Variants in CD177 observed in about 807,000 individuals in gnomAD.
CD177 encodes the protein CD177 antigen.
In CD177, 41 loss-of-function variants were observed where a neutral mutation model predicts 38.1. The observed-to-expected ratio is 1.07, with a 90% CI of 0.84 to 1.39. The LOEUF (loss-of-function observed/expected upper bound fraction) is 1.39. CD177 is among the 40% of genes most tolerant of loss of function. The pLI, the probability that CD177 is intolerant of heterozygous loss-of-function variation, is 0.00. For missense variants in CD177, 619 were observed against 523.8 expected (o/e 1.18, Z -1.77); for synonymous variants, 236 against 216.7 (o/e 1.09, Z -0.78).
Position 43,354,326 on chromosome 19 carries a change from C to T in CD177, c.313C>T (p.Arg105Cys), listed in dbSNP as rs570518348. The change falls in exon 3 of 9, where the codon CGC (arginine) becomes TGC (cysteine). Residue 105 changes from arginine (R) to cysteine (C), a missense_variant. By Grantham distance (180) the Arg-to-Cys change is radical. Coordinates refer to ENST00000618265, the MANE Select transcript of CD177 (RefSeq NM_020406.4). Reference protein sequence around the residue: ...LSLISYTFVCRQEDFCNNLVN... With the variant: ...LSLISYTFVCCQEDFCNNLVN... Reference sequence around the variant, plus strand: ...CCTGATCTCCTACACCTTCGTGTGCCGCCAGGAGGACTTCTGCAACAACCT... The same window carrying T: ...CCTGATCTCCTACACCTTCGTGTGCTGCCAGGAGGACTTCTGCAACAACCT... 2.7e-4 allele frequency: 443 copies of T among 1,613,944 alleles called. 3 individuals are homozygous for T. The South Asian group carries it at 4.7e-3, about 17-fold the overall frequency.
chr19:43,364,858 GGGTAC>G (rs1970015764), downstream of CD177, among the ~76,000 whole-genome samples: 1 of 17,820 alleles, frequency 5.6e-5, no homozygotes, highest in Non-Finnish European at 1.2e-4. Flanking sequence ...GTGGGTGGTG[GGGTAC>G]GGTCTCCCTC....
At chr19:43,353,798 C>T (rs367955567) in intron 1 of CD177, 32 bp downstream of exon 1, 1 of 1,613,894 alleles carries the variant, frequency 6.2e-7, no homozygotes, top group Non-Finnish European at 8.5e-7. Flanking sequence ...GAGGAGATTC[C>T]CTGGAGGCCG....
chr19:43,361,370 CA>C (rs1568445129), intron 7 of CD177, 42 bp downstream of exon 7: 1 of 1,593,044 alleles, frequency 6.3e-7, no homozygotes. Context: ...CCCAGACACA[CA>C]GAGACTCTGG....
In CD177 at chr19:43,360,451, G is replaced by A. The variant is rs1479530638; in HGVS notation, c.760+46G>A. 14 of 1,536,052 alleles carry A rather than the reference G, an allele frequency of 9.1e-6. No homozygotes were observed. The South Asian group carries it at 1.7e-4, about 19-fold the overall frequency. On this transcript the variant is annotated intron_variant, in intron 6 of 8. Coordinates refer to ENST00000618265, the MANE Select transcript of CD177 (RefSeq NM_020406.4). Reference sequence around the variant, plus strand: ...GACGAACACCTGTCCCAAGTCCCTGGCAGCTCCCTCCACCCCACTGGATTC... The same window carrying A: ...GACGAACACCTGTCCCAAGTCCCTGACAGCTCCCTCCACCCCACTGGATTC...
intron 8 of CD177, 134 bp from the exon 9 acceptor site, chr19:43,361,954 T>G: frequency 1.5e-6 from 1 of 680,780 alleles, no homozygotes; most frequent in South Asian, 1.9e-5. Flanking sequence ...CCTGGACCCC[T>G]GGGTCTGAGG....
chr19:43,365,584 CA>C, downstream of CD177, among the ~76,000 whole-genome samples: 1 of 137,994 alleles, frequency 7.2e-6, no homozygotes, highest in East Asian at 2.1e-4. Flanking sequence ...TGGGTTCATG[CA>C]ATGGACCCAA....
At chr19:43,365,901 G>A (rs1376658684), downstream of CD177, among the ~76,000 whole-genome samples, 1 of 152,156 alleles carries the variant, frequency 6.6e-6, no homozygotes, top group Non-Finnish European at 1.5e-5. Context: ...GCTGTCCCGT[G>A]GATGCTGGAG....
rs188387562 is a variant in CD177 at position 43,362,260 on chromosome 19, G to C, written c.1254G>C (p.Trp418Cys). ...CTGAGGGCCTGGAGTCTCTCACTTGGGGGGTGGGGCTGGCACTGGCCCCAG... is the reference window on the plus strand; with the variant it reads ...CTGAGGGCCTGGAGTCTCTCACTTGCGGGGTGGGGCTGGCACTGGCCCCAG... The part of the protein sequence containing the change: ...GGAEGLESLT[W>C]GVGLALAPAL... The change falls in exon 9 of 9, where the codon TGG becomes TGC. Residue 418 changes from tryptophan (W) to cysteine (C), a missense_variant. Transcript: ENST00000618265. 5.5e-5 allele frequency: 88 copies of C among 1,609,082 alleles called. No homozygotes were observed. The highest frequency in any genetic ancestry group is 7.4e-5 in the Non-Finnish European group (87 of 1,175,828).
At chr19:43,354,644 A>G (rs1969897618) in intron 3 of CD177, 2 of 593,020 alleles carry the variant, frequency 3.4e-6, no homozygotes, top group Non-Finnish European at 6.0e-6. Context: ...AAGAGCAAAC[A>G]GGACGGATTT....
At chr19:43,361,640 G>A in intron 8 of CD177, 61 bp downstream of exon 8, 1 of 1,513,014 alleles carries the variant, frequency 6.6e-7, no homozygotes, top group Non-Finnish European at 9.0e-7. Flanking sequence ...TCCTGGGTCT[G>A]AGGGAGGAGG....
rs183730346 is a variant in CD177 at position 43,363,040 on chromosome 19, C to A, written c.*720C>A. 1 of 152,304 alleles carries A rather than the reference C, an allele frequency of 6.6e-6. No homozygotes were observed. The highest frequency in any genetic ancestry group is 6.5e-5 in the Admixed American group (1 of 15,294). The allele number at this position is 152,304 out of a possible 1,614,324, so 9.4% of individuals were successfully genotyped here. On this transcript the variant is annotated 3_prime_UTR_variant, in exon 9 of 9. Coordinates refer to ENST00000618265, the MANE Select transcript of CD177 (RefSeq NM_020406.4). ...GACGCTAGAGTCGACTGCTCCTAGG[C>A]TACAAGCCTGCAGTGCATGTTATGG...
At position 43,355,670 on chromosome 19, in the gene CD177, C is replaced by A. The variant is rs868371538; in HGVS notation, c.389C>A (p.Ser130Tyr). Residue 130 changes from serine (S) to tyrosine (Y), a missense_variant, in exon 4 of 9, where the codon TCC (serine) becomes TAC (tyrosine). Physicochemically the swap from Ser to Tyr is moderately radical, Grantham distance 144 (BLOSUM62 -2). Transcript: ENST00000618265. ...WAPQPPADPG[S>Y]LRCPVCLSME... ...TCTGTCACTTTCCTAGACCCAGGAT[C>A]CTTGAGGTGCCCAGTCTGCTTGTCT... is the stretch of plus-strand genomic sequence containing the variant. 2.5e-6 allele frequency: 4 copies of A among 1,612,722 alleles called. No homozygotes were observed. In the South Asian group the frequency reaches 3.3e-5, roughly 13 times the overall value.
At chr19:43,365,889 C>T (rs1206017376), downstream of CD177, among the ~76,000 whole-genome samples, 2 of 152,174 alleles carry the variant, frequency 1.3e-5, no homozygotes, top group Non-Finnish European at 2.9e-5. Context: ...ACCCCATGCT[C>T]AGCTGTCCCG....
intron 3 of CD177, 52 bp downstream of exon 3, chr19:43,354,444 G>C (rs749342449): frequency 6.3e-6 from 10 of 1,584,920 alleles, no homozygotes; most frequent in Non-Finnish European, 5.2e-6. Flanking sequence ...AAGGGGATCC[G>C]CTGAGCACAG....
Position 43,361,143 on chromosome 19 carries a change from G to A in CD177, c.761G>A (p.Gly254Glu), listed in dbSNP as rs1247791527. 8 of 1,489,590 alleles carry A rather than the reference G, an allele frequency of 5.4e-6. 1 individual carries two copies. The highest frequency in any genetic ancestry group is 3.4e-5 in the Admixed American group (2 of 59,238). The allele number at this position is 1,489,590 out of a possible 1,614,324, so 92.3% of individuals were successfully genotyped here. ...GCCCAGCTTTCCCTCTCACCCTCAG[G>A]ACTCACATCAACCCTGGTGGGGACA... Reference protein sequence around the residue: ...CQETLLLLDVGLTSTLVGTKG... With the variant: ...CQETLLLLDVELTSTLVGTKG... Residue 254 changes from glycine (G) to glutamate (E), a missense_variant and splice_region_variant, in exon 7 of 9, where the codon GGA (glycine) becomes GAA (glutamate). By Grantham distance (98) the Gly-to-Glu change is moderately conservative (BLOSUM62 -2). Coordinates refer to ENST00000618265, the MANE Select transcript of CD177 (RefSeq NM_020406.4).
intron 8 of CD177, among the ~76,000 whole-genome samples, chr19:43,361,879 C>A (rs190706198): frequency 1.5e-5 from 2 of 130,138 alleles, no homozygotes; most frequent in African/African-American, 5.9e-5. Context: ...CTCTGGACTC[C>A]TGGGTCTGAG....
At position 43,360,390 on chromosome 19, in the gene CD177, C is replaced by A. The variant is rs1459938885; in HGVS notation, c.745C>A (p.Leu249Met). 6 of 1,603,096 alleles carry A rather than the reference C, an allele frequency of 3.7e-6. No individual in the cohort carries two copies. Among genetic ancestry groups the A allele is most frequent in the Non-Finnish European group, 5.1e-6 (6 of 1,174,964 alleles). Residue 249 changes from leucine to methionine, a missense_variant, in exon 6 of 9, where the codon CTG becomes ATG. Coordinates refer to ENST00000618265, the MANE Select transcript of CD177 (RefSeq NM_020406.4). The part of the protein sequence containing the change: ...EVGQVCQETL[L>M]LLDVGLTSTL... ...GGGGCAGGTGTGTCAGGAGACGCTGCTGCTCCTAGATGTAGGTACGTGGAC... is the reference window on the plus strand; with the variant it reads ...GGGGCAGGTGTGTCAGGAGACGCTGATGCTCCTAGATGTAGGTACGTGGAC...
Position 43,361,181 on chromosome 19 carries a change from A to C in CD177, c.799A>C (p.Thr267Pro), listed in dbSNP as rs12978146. The change falls in exon 7 of 9, where the codon ACT becomes CCT. Residue 267 changes from threonine to proline, a missense_variant. Coordinates refer to ENST00000618265, the MANE Select transcript of CD177 (RefSeq NM_020406.4). ...STLVGTKGCS[T>P]VGAQNSQKTT... ...CCTGGTGGGGACAAAAGGCTGCAGCACTGTTGGGGCTCAAAATTCCCAGAA... is the reference window on the plus strand; with the variant it reads ...CCTGGTGGGGACAAAAGGCTGCAGCCCTGTTGGGGCTCAAAATTCCCAGAA... 1 of 1,531,708 alleles carries C rather than the reference A, an allele frequency of 6.5e-7. No individual in the cohort carries two copies. The highest frequency in any genetic ancestry group is 9.0e-7 in the Non-Finnish European group (1 of 1,109,608). 94.9% of individuals were successfully genotyped at this position (1,531,708 alleles called of 1,614,324 possible).
At position 43,354,258 on chromosome 19, in the gene CD177, A is replaced by G. The variant is rs371380583; in HGVS notation, c.245A>G (p.Gln82Arg). 2.7e-5 allele frequency: 44 copies of G among 1,613,876 alleles called. No homozygotes were observed. In the African/African-American group the frequency reaches 5.6e-4, roughly 21 times the overall value. ...AAGGGCTGCACGGAGGCCAAGGACC[A>G]GGAGCCCCGCGTCACTGAGCACCGG... ...LSKGCTEAKD[Q>R]EPRVTEHRMG... Residue 82 changes from glutamine (Q) to arginine (R), a missense_variant, in exon 3 of 9, where the codon CAG (glutamine) becomes CGG (arginine). Coordinates refer to ENST00000618265, the MANE Select transcript of CD177 (RefSeq NM_020406.4).
Sources: gnomAD v4.1 joint callset for allele counts (sites outside exome capture counted in the v4.1 genomes callset) on GRCh38, gnomAD v4.1.1 for gene constraint, MANE v1.5 for transcripts, NCBI Gene and HGNC (gene_info 2026-07-23, HGNC 2026-07-21) for gene names.